SPECC1L: variants seen among roughly 807,000 people sequenced by gnomAD.
SPECC1L encodes the protein cytospin-A.
In SPECC1L, 40 loss-of-function variants were observed where a neutral mutation model predicts 116.8. The observed-to-expected ratio is 0.34, with a 90% CI of 0.27 to 0.45. The LOEUF (loss-of-function observed/expected upper bound fraction) is 0.45, where lower values mean the gene tolerates loss of function less well. Ranked by LOEUF, SPECC1L falls within the 20% of genes least tolerant of loss-of-function variation. The probability of loss-of-function intolerance (pLI) is 1.00; values close to 1 mark genes in which losing one functional copy is unlikely to be tolerated. For synonymous variants in SPECC1L, 504 were observed against 500.6 expected, an observed-to-expected ratio of 1.01 and a Z score of -0.09; for missense variants, 1,110 against 1,373.6, an observed-to-expected ratio of 0.81 and a Z score of 3.03.
intron 11 of SPECC1L, among the ~76,000 whole-genome samples, chr22:24,356,737 CTTTTTCT>C (rs2041540728): frequency 6.6e-6 from 1 of 151,938 alleles, no homozygotes; most frequent in Non-Finnish European, 1.5e-5. Flanking sequence ...CTTCTTTTTC[CTTTTTCT>C]GCCTTCTCTT....
chr22:24,341,137 A>G (rs747719501), intron 10 of SPECC1L, among the ~76,000 whole-genome samples: 8 of 152,092 alleles, frequency 5.3e-5, no homozygotes, highest in African/African-American at 1.2e-4. Context: ...ACAAATCAAC[A>G]TTCAAGGAGA....
At chr22:24,295,001 A>G (rs1225636723) in intron 2 of SPECC1L, among the ~76,000 whole-genome samples, 1 of 152,206 alleles carries the variant, frequency 6.6e-6, no homozygotes, top group Non-Finnish European at 1.5e-5. Flanking sequence ...GGTAAGAGAT[A>G]GCCCTTTGTT....
chr22:24,282,018 G>T lies in SPECC1L; in HGVS notation c.-38+5215G>T, dbSNP rs548492956. Reference sequence around the variant, plus strand: ...AGTTTTTAAGGACAGCTTGGTAGGTGGGGGGAAGCCGATGGGCCAGGAGTG... The same window carrying T: ...AGTTTTTAAGGACAGCTTGGTAGGTTGGGGGAAGCCGATGGGCCAGGAGTG... On this transcript the variant is annotated intron_variant, in intron 2 of 16. Transcript: ENST00000314328. 1.7e-4 allele frequency among the ~76,000 whole-genome samples: 26 copies of T among 152,364 alleles called. No homozygotes were observed. In the South Asian group the frequency reaches 5.0e-3, roughly 29 times the overall value.
chr22:24,370,332 G>C (rs542248679), intron 14 of SPECC1L, among the ~76,000 whole-genome samples: 1 of 152,226 alleles, frequency 6.6e-6, no homozygotes, highest in Non-Finnish European at 1.5e-5. Context: ...CCATGTCTCA[G>C]CTTCAAGCCA....
chr22:24,339,099 A>G (rs765305464), intron 10 of SPECC1L, among the ~76,000 whole-genome samples: 3 of 152,200 alleles, frequency 2.0e-5, no homozygotes, highest in Non-Finnish European at 4.4e-5. Context: ...TCATTCCTGC[A>G]GTTGAATTCA....
intron 4 of SPECC1L, among the ~76,000 whole-genome samples, chr22:24,319,665 C>G (rs367622212): frequency 2.8e-4 from 42 of 152,344 alleles, no homozygotes; most frequent in African/African-American, 9.9e-4. Flanking sequence ...AACTGTGTGA[C>G]TGTACTTTTC....
Position 24,320,568 on chromosome 22 carries a change from TC to T in SPECC1L, c.308-719del, listed in dbSNP as rs550672923. On this transcript the variant is annotated intron_variant, in intron 4 of 16. Coordinates refer to ENST00000314328, the MANE Select transcript of SPECC1L (RefSeq NM_015330.6). The stretch of plus-strand genomic sequence containing the variant: ...TGACATGTTGGCAAATTATTTAACA[TC>T]TGTGTCTGAGTTTCTTCATCTGTAA... Among the ~76,000 whole-genome samples the T allele has an allele frequency of 2.2e-3, 328 of 152,304 alleles. 2 individuals are homozygous for T. The highest frequency in any genetic ancestry group is 7.5e-3 in the African/African-American group (312 of 41,570).
chr22:24,335,154 G>T (rs904905546), intron 9 of SPECC1L, among the ~76,000 whole-genome samples: 32 of 152,126 alleles, frequency 2.1e-4, no homozygotes, highest in Admixed American at 2.0e-3. Context: ...CTACATCATG[G>T]ATATCTTTGC....
At chr22:24,378,161 T>G (rs2042003693) in intron 14 of SPECC1L, among the ~76,000 whole-genome samples, 1 of 152,258 alleles carries the variant, frequency 6.6e-6, no homozygotes. Context: ...TATCAGCACT[T>G]GCTAGCTTCG....
intron 14 of SPECC1L, among the ~76,000 whole-genome samples, chr22:24,389,339 A>G (rs934194298): frequency 6.6e-6 from 1 of 151,678 alleles, no homozygotes; most frequent in African/African-American, 2.4e-5. Context: ...CTGGTCTCAA[A>G]CTTGACCTCA....
At chr22:24,311,421 G>A (rs2040457868) in intron 3 of SPECC1L, among the ~76,000 whole-genome samples, 1 of 152,196 alleles carries the variant, frequency 6.6e-6, no homozygotes, top group African/African-American at 2.4e-5. Context: ...AGAGAGGAGG[G>A]ACAAATTGGC....
At chr22:24,383,121 A>G (rs2146700495) in intron 14 of SPECC1L, among the ~76,000 whole-genome samples, 1 of 152,334 alleles carries the variant, frequency 6.6e-6, no homozygotes, top group Non-Finnish European at 1.5e-5. Flanking sequence ...TGAGACCTCA[A>G]AAGAATTATG....
chr22:24,330,025 T>C (rs2146506888), intron 7 of SPECC1L, among the ~76,000 whole-genome samples: 1 of 152,308 alleles, frequency 6.6e-6, no homozygotes, highest in Non-Finnish European at 1.5e-5. Context: ...ACTTGATGCC[T>C]CAGTAGGCAG....
At position 24,288,615 on chromosome 22, in the gene SPECC1L, C is replaced by CTTTTTTTTTTTTTTTTTTTTTTTTTTT. The variant is rs756714389; in HGVS notation, c.-38+11815_-38+11841dup. Among the ~76,000 whole-genome samples, 3 of 61,678 alleles carry CTTTTTTTTTTTTTTTTTTTTTTTTTTT rather than the reference C, an allele frequency of 4.9e-5. 1 individual carries two copies. Among genetic ancestry groups the CTTTTTTTTTTTTTTTTTTTTTTTTTTT allele is most frequent in the African/African-American group, 1.4e-4 (2 of 14,450 alleles). The allele number at this position is 61,678 out of a possible 152,430, so 40.5% of individuals were successfully genotyped here. A position where few individuals can be genotyped will look rare whatever the true frequency, so the allele number is the denominator to read the frequency against. On this transcript the variant is annotated intron_variant, in intron 2 of 16. Transcript: ENST00000314328. ...GACTTCTCAAATCCAAAATTTTAAG[C>CTTTTTTTTTTTTTTTTTTTTTTTTTTT]TTTTTTTTTTTTTTTTTTTTTTTTT...
At chr22:24,356,541 TTATC>T (rs1271583554) in intron 11 of SPECC1L, among the ~76,000 whole-genome samples, 3 of 152,214 alleles carry the variant, frequency 2.0e-5, no homozygotes, top group African/African-American at 7.2e-5. Flanking sequence ...TCCTTTTAAT[TTATC>T]TATGTCTTTA....
intron 2 of SPECC1L, among the ~76,000 whole-genome samples, chr22:24,295,191 A>G (rs1373639738): frequency 1.3e-5 from 2 of 151,216 alleles, no homozygotes; most frequent in Non-Finnish European, 2.9e-5. Flanking sequence ...GCAGCCTTGT[A>G]AATGAAGGGT....
chr22:24,401,587 T>A (rs2042474743), intron 14 of SPECC1L, among the ~76,000 whole-genome samples: 1 of 152,250 alleles, frequency 6.6e-6, no homozygotes, highest in African/African-American at 2.4e-5. Flanking sequence ...GAAAGTTCTA[T>A]CAGGTGCTTG....
At chr22:24,313,592 AT>A in intron 4 of SPECC1L, 126 bp downstream of exon 4, 1 of 1,109,192 alleles carries the variant, frequency 9.0e-7, no homozygotes, top group Non-Finnish European at 1.3e-6. Context: ...ATGGATTGAT[AT>A]TTCAGCCCAA....
At chr22:24,323,154 G>C in intron 5 of SPECC1L, 1 of 959,958 alleles carries the variant, frequency 1.0e-6, no homozygotes, top group South Asian at 4.8e-5. Flanking sequence ...CCTGTGAGAG[G>C]ATATGGCTGG....
Sources: gnomAD v4.1 joint callset for allele counts (sites outside exome capture counted in the v4.1 genomes callset) on GRCh38, gnomAD v4.1.1 for gene constraint, MANE v1.5 for transcripts, NCBI Gene and HGNC (gene_info 2026-07-23, HGNC 2026-07-21) for gene names.